PRKN: variants seen among roughly 807,000 people sequenced by gnomAD.
The protein encoded by PRKN is E3 ubiquitin-protein ligase parkin.
Under a neutral mutation model 59.5 loss-of-function variants are expected in PRKN, and 56 were observed. The observed-to-expected ratio is 0.94, with a 90% confidence interval of 0.76 to 1.18. The LOEUF is 1.18. Among genes scored for constraint, PRKN ranks in the 50% most tolerant of loss-of-function variants. The pLI is 0.00. For synonymous variants in PRKN, 250 were observed against 222.1 expected (o/e 1.13, Z -1.12); for missense variants, 657 against 596.4 (o/e 1.10, Z -1.06).
intron 1 of PRKN, among the ~76,000 whole-genome samples, chr6:162,697,873 A>C (rs1778023626): frequency 6.6e-6 from 1 of 152,320 alleles, no homozygotes; most frequent in Admixed American, 6.5e-5. Context: ...TCTACTTCTT[A>C]ACATATTCAA....
intron 7 of PRKN, among the ~76,000 whole-genome samples, chr6:161,595,994 C>T (rs1015432469): frequency 4.6e-5 from 7 of 151,794 alleles, no homozygotes; most frequent in African/African-American, 1.7e-4. Context: ...GTGGAGTGGC[C>T]GGTGGCAGGG....
chr6:161,733,802 A>ATG (rs1562641870), intron 7 of PRKN, among the ~76,000 whole-genome samples: 10 of 118,878 alleles, frequency 8.4e-5, no homozygotes, highest in African/African-American at 2.3e-4. Flanking sequence ...ATATATGTAT[A>ATG]TATATATATA....
At chr6:162,486,250 T>C (rs1792535767) in intron 1 of PRKN, among the ~76,000 whole-genome samples, 1 of 152,208 alleles carries the variant, frequency 6.6e-6, no homozygotes, top group Admixed American at 6.5e-5. Context: ...ATATGTATGA[T>C]TGATATATAT....
chr6:162,656,632 T>C (rs909153732), intron 1 of PRKN, among the ~76,000 whole-genome samples: 3 of 152,220 alleles, frequency 2.0e-5, no homozygotes, highest in Non-Finnish European at 1.5e-5. Flanking sequence ...TTCTTTCCTG[T>C]CCCCTCTAAC....
At chr6:162,176,542 C>T (rs1783546255) in intron 4 of PRKN, among the ~76,000 whole-genome samples, 1 of 151,834 alleles carries the variant, frequency 6.6e-6, no homozygotes, top group Admixed American at 6.6e-5. Flanking sequence ...GAATTTGGGC[C>T]CCTTCATCAC....
chr6:161,467,318 C>T lies in PRKN; in HGVS notation c.1084-80441G>A, dbSNP rs1003153679. On this transcript the variant is annotated intron_variant, in intron 9 of 11. Transcript: ENST00000366898. The surrounding 1 kb of genome is among the most constrained non-coding windows in gnomAD (Gnocchi z 4.3). Reference sequence around the variant, plus strand: ...AGTGGACTGTGTGCCTGGCACTGTGCGGTGAATTTGATATAGACACATATA... The same window carrying T: ...AGTGGACTGTGTGCCTGGCACTGTGTGGTGAATTTGATATAGACACATATA... 7.2e-5 allele frequency among the ~76,000 whole-genome samples: 11 copies of T among 152,142 alleles called. No homozygotes were observed. The highest frequency in any genetic ancestry group is 1.2e-4 in the African/African-American group (5 of 41,410).
At chr6:162,478,341 G>T (rs1460793260) in intron 1 of PRKN, among the ~76,000 whole-genome samples, 3 of 152,148 alleles carry the variant, frequency 2.0e-5, no homozygotes, top group Admixed American at 6.6e-5. Flanking sequence ...TGTTGTGGCT[G>T]AAACTCCGCT....
rs764652495 is a variant in PRKN at position 162,262,934 on chromosome 6, GACAA to G, written c.172-173_172-170del. ...CAGCAGTTACACACTACACACGGTA[GACAA>G]ACAACACTGAACTGGGGCCAGAAAC... On this transcript the variant is annotated intron_variant, in intron 2 of 11. Transcript: ENST00000366898. Among the ~76,000 whole-genome samples the G allele has an allele frequency of 4.6e-4, 70 of 152,210 alleles. No homozygotes were observed. In the Middle Eastern group the frequency reaches 0.014, roughly 30 times the overall value.
intron 3 of PRKN, among the ~76,000 whole-genome samples, chr6:162,242,901 A>G (rs1779042247): frequency 6.6e-6 from 1 of 152,118 alleles, no homozygotes; most frequent in South Asian, 2.1e-4. Context: ...TATATTCAAC[A>G]CTTACATTTA....
At chr6:161,663,922 C>A (rs958136823) in intron 7 of PRKN, among the ~76,000 whole-genome samples, 1 of 152,144 alleles carries the variant, frequency 6.6e-6, no homozygotes, top group Non-Finnish European at 1.5e-5. Context: ...GCTTTGGCTC[C>A]GCCCCTAGCT....
At chr6:161,574,903 A>AC in intron 7 of PRKN, among the ~76,000 whole-genome samples, 2 of 152,272 alleles carry the variant, frequency 1.3e-5, no homozygotes, top group East Asian at 3.9e-4. Context: ...AGCTTTCTTG[A>AC]CAAGAGCCTA....
intron 1 of PRKN, among the ~76,000 whole-genome samples, chr6:162,580,929 T>C (rs1411001529): frequency 2.0e-5 from 3 of 152,214 alleles, no homozygotes; most frequent in Admixed American, 6.5e-5. Flanking sequence ...TTCAGTGGCA[T>C]GTACTAAAAA....
At chr6:162,129,216 C>A (rs1301857095) in intron 4 of PRKN, among the ~76,000 whole-genome samples, 1 of 152,060 alleles carries the variant, frequency 6.6e-6, no homozygotes, top group African/African-American at 2.4e-5. Context: ...CATTAATATA[C>A]CTTAGGTTTC....
At chr6:162,348,316 T>C (rs565188941) in intron 2 of PRKN, among the ~76,000 whole-genome samples, 2 of 152,286 alleles carry the variant, frequency 1.3e-5, no homozygotes, top group East Asian at 3.9e-4. Context: ...GATAAAACTA[T>C]TTCCAAGTAA....
chr6:162,497,773 G>A lies in PRKN; in HGVS notation c.8-54300C>T, dbSNP rs1317457452. On this transcript the variant is annotated intron_variant, in intron 1 of 11. Coordinates refer to ENST00000366898, the MANE Select transcript of PRKN (RefSeq NM_004562.3). ...TTCCATCTTCTACGAAAAGCATAAG[G>A]GGGGAGGAGGAAAAGAGGTTGGTTA... Among the ~76,000 whole-genome samples, 3 of 152,266 alleles carry A rather than the reference G, an allele frequency of 2.0e-5. No individual in the cohort carries two copies. The South Asian group carries it at 6.2e-4, about 32-fold the overall frequency.
intron 4 of PRKN, among the ~76,000 whole-genome samples, chr6:162,175,726 C>T (rs766266185): frequency 3.9e-5 from 6 of 152,108 alleles, no homozygotes; most frequent in South Asian, 2.1e-4. Flanking sequence ...CACTGGTCCA[C>T]GGGACATACT....
rs952513038 is a variant in PRKN, at chr6:162,682,544, C to G, written c.7+45118G>C. On this transcript the variant is annotated intron_variant, in intron 1 of 11. Transcript: ENST00000366898. ...ACATGTTTTCACTTATAAGAGGAAG[C>G]TAAACATTGAATACACATAGACACA... 2.6e-5 allele frequency among the ~76,000 whole-genome samples: 4 copies of G among 152,072 alleles called. No individual in the cohort carries two copies. In the South Asian group the frequency reaches 8.3e-4, roughly 31 times the overall value.
rs370179659 is a variant in PRKN, at chr6:161,610,492, T to TACACACACACAC, written c.872-41088_872-41077dup. 7.9e-3 allele frequency among the ~76,000 whole-genome samples: 1,111 copies of TACACACACACAC among 139,844 alleles called. 23 individuals are homozygous for TACACACACACAC. The highest frequency in any genetic ancestry group is 0.028 in the African/African-American group (1,058 of 37,952). The allele number at this position is 139,844 out of a possible 152,430, so 91.7% of individuals were successfully genotyped here. On this transcript the variant is annotated intron_variant, in intron 7 of 11. Transcript: ENST00000366898. The stretch of plus-strand genomic sequence containing the variant: ...GAAAAATGTATATGTATATTAATAA[T>TACACACACACAC]ACACACACACACACACACACACACA...
intron 1 of PRKN, among the ~76,000 whole-genome samples, chr6:162,488,387 G>T (rs746895375): frequency 7.9e-5 from 12 of 152,134 alleles, no homozygotes; most frequent in Non-Finnish European, 1.3e-4. Flanking sequence ...CACCAGTGTG[G>T]ATGCATGGTC....
Sources: allele counts gnomAD v4.1 joint callset (sites outside exome capture counted in the v4.1 genomes callset), GRCh38; gene constraint gnomAD v4.1.1; non-coding constraint Gnocchi (gnomAD v3.1); transcripts MANE v1.5; gene names NCBI Gene and HGNC (gene_info 2026-07-23, HGNC 2026-07-21).